The following RGPD1 variants were observed in gnomAD, a reference collection of about 807,000 sequenced individuals.
RGPD1 encodes the protein RANBP2-like and GRIP domain-containing protein 1.
In RGPD1, 7 loss-of-function variants were observed where a neutral mutation model predicts 40.6. That is an observed-to-expected ratio of 0.17 (90% confidence interval 0.10 to 0.32). The LOEUF (loss-of-function observed/expected upper bound fraction) is 0.32. Ranked by LOEUF, RGPD1 falls within the 10% of genes least tolerant of loss-of-function variation. The probability of loss-of-function intolerance (pLI) is 1.00; values close to 1 mark genes in which losing one functional copy is unlikely to be tolerated. For missense variants in RGPD1, 50 were observed against 472.5 expected (o/e 0.11, Z 8.29); for synonymous variants, 24 against 167.0 (o/e 0.14, Z 6.60).
chr2:86,988,441 C>CAAAAAAAAAAAAAAAAA (rs1174110236), intron 20 of RGPD1, among the ~76,000 whole-genome samples: 10 of 33,226 alleles, frequency 3.0e-4, no homozygotes, highest in South Asian at 1.4e-3. Flanking sequence ...ACTTTGTCTC[C>CAAAAAAAAAAAAAAAAA]AAAAAAAAAA....
rs1300298837 is a variant in RGPD1, at chr2:86,933,683, CAA to C, written c.73-17609_73-17608del. On this transcript the variant is annotated intron_variant, in intron 1 of 22. Coordinates refer to the RGPD1 transcript ENST00000398193. Reference sequence around the variant, plus strand: ...GAAAATTTTAACATACAAAGTGACACAAAAAGATTTTCATTCCAAGTTTTATG... The same window carrying C: ...GAAAATTTTAACATACAAAGTGACACAAAGATTTTCATTCCAAGTTTTATG... Among the ~76,000 whole-genome samples, 2 of 121,266 alleles carry C rather than the reference CAA, an allele frequency of 1.6e-5. 1 individual carries two copies. 79.6% of individuals were successfully genotyped at this position (121,266 alleles called of 152,430 possible). A position where few individuals can be genotyped will look rare whatever the true frequency, so the allele number is the denominator to read the frequency against.
upstream of RGPD1, among the ~76,000 whole-genome samples, chr2:86,939,697 G>T (rs1367238933): frequency 7.7e-6 from 1 of 130,344 alleles, no homozygotes; most frequent in East Asian, 2.1e-4. Flanking sequence ...GTGTGTTTGG[G>T]CAAGTTGCTT....
At position 86,942,411 on chromosome 2, in the gene RGPD1, C is replaced by A; in HGVS notation, c.72+103C>A. ...CCTGGCCGGGCGGCGGCCTCGATGGCTCAGGCGTCATGGCTCCCGACGGGC... is the reference window on the plus strand; with the variant it reads ...CCTGGCCGGGCGGCGGCCTCGATGGATCAGGCGTCATGGCTCCCGACGGGC... On this transcript the variant is annotated intron_variant, in intron 1 of 22. Coordinates refer to ENST00000641458, the MANE Select transcript of RGPD1 (RefSeq NM_001382344.1). 3.4e-6 allele frequency: 4 copies of A among 1,179,136 alleles called. 1 individual carries two copies. The highest frequency in any genetic ancestry group is 3.4e-4 in the Middle Eastern group (1 of 2,934). The allele number at this position is 1,179,136 out of a possible 1,614,324, so 73.0% of individuals were successfully genotyped here.
chr2:86,924,173 G>GTTT (rs1195100681), intron 1 of RGPD1, among the ~76,000 whole-genome samples: 4 of 142,064 alleles, frequency 2.8e-5, no homozygotes, highest in South Asian at 4.6e-4. Context: ...TTTGGGGGAG[G>GTTT]GGGACAGAGT....
At chr2:86,941,718 TTTG>T (rs1268822390), upstream of RGPD1, among the ~76,000 whole-genome samples, 365 of 121,168 alleles carry the variant, frequency 3.0e-3, 4 homozygotes, top group African/African-American at 0.019. Flanking sequence ...GAGAATGCGC[TTTG>T]TTTTTTTTTT....
intron 6 of RGPD1, among the ~76,000 whole-genome samples, chr2:86,959,915 G>T (rs1470393022): frequency 1.4e-3 from 7 of 4,872 alleles, no homozygotes; most frequent in African/African-American, 3.3e-3. Context: ...TTTTTTTTTT[G>T]AGACAGAGTC....
chr2:86,914,156 G>C (rs1243521074), intron 1 of RGPD1, among the ~76,000 whole-genome samples: 12 of 79,166 alleles, frequency 1.5e-4, no homozygotes, highest in African/African-American at 7.0e-4. Flanking sequence ...CGGCGGCGGC[G>C]GCGGCCTCGG....
In RGPD1 at chr2:86,930,648, T is replaced by C. The variant is rs1391741631; in HGVS notation, c.72+16727T>C. The C allele has an allele frequency of 3.7e-6, 6 of 1,611,302 alleles. No individual in the cohort carries two copies. The East Asian group carries it at 1.1e-4, about 30-fold the overall frequency. On this transcript the variant is annotated intron_variant, in intron 1 of 22. Transcript: ENST00000398193. ...GCAGCAGTGAACACTCTCACAGAGG[T>C]AGGGCTGGTTGTTCACTCCTGGGCA... is the stretch of plus-strand genomic sequence containing the variant.
chr2:86,940,916 CCA>C (rs1573602387), upstream of RGPD1, among the ~76,000 whole-genome samples: 2 of 152,220 alleles, frequency 1.3e-5, no homozygotes, highest in Non-Finnish European at 2.9e-5. Flanking sequence ...TTAATGTGGG[CCA>C]CACACACTGG....
upstream of RGPD1, among the ~76,000 whole-genome samples, chr2:86,942,063 G>A: frequency 6.6e-6 from 1 of 151,486 alleles, no homozygotes; most frequent in Non-Finnish European, 1.5e-5. Context: ...GCCGAGTGCA[G>A]CTCGAGCGCC....
rs372377070 is a variant in RGPD1 at position 86,923,291 on chromosome 2, T to G, written c.72+9370T>G. On this transcript the variant is annotated intron_variant, in intron 1 of 22. Transcript: ENST00000398193. ...TGACCTCAAGTGACCTTCCTGACCT[T>G]GGTGTCCCAAAGTGCTGGGATTACA... is the stretch of plus-strand genomic sequence containing the variant. 4.6e-5 allele frequency among the ~76,000 whole-genome samples: 7 copies of G among 151,802 alleles called. No homozygotes were observed. The South Asian group carries it at 6.2e-4, about 13-fold the overall frequency.
At chr2:86,949,763 C>CTTTTTTTTT (rs1240035878) in intron 1 of RGPD1, among the ~76,000 whole-genome samples, 1 of 18,218 alleles carries the variant, frequency 5.5e-5, no homozygotes, top group Non-Finnish European at 1.1e-4. Flanking sequence ...GTTGTATCAG[C>CTTTTTTTTT]TTTTTTTTTT....
chr2:87,006,636 C>T (rs1177057864), intron 22 of RGPD1, among the ~76,000 whole-genome samples: 2 of 148,418 alleles, frequency 1.3e-5, no homozygotes, highest in South Asian at 2.1e-4. Flanking sequence ...TGGCAGGCGC[C>T]TGTAGTCCCA....
chr2:86,925,725 A>G (rs1678439478), intron 1 of RGPD1, among the ~76,000 whole-genome samples: 3 of 152,028 alleles, frequency 2.0e-5, no homozygotes, highest in Non-Finnish European at 1.5e-5. Context: ...AATGGAATTC[A>G]CAGAATGCAT....
At chr2:86,918,234 T>G (rs1677860783) in intron 1 of RGPD1, among the ~76,000 whole-genome samples, 1 of 149,760 alleles carries the variant, frequency 6.7e-6, no homozygotes, top group African/African-American at 2.4e-5. Flanking sequence ...CCTCTCACCC[T>G]CTTCCCCCAG....
intron 1 of RGPD1, among the ~76,000 whole-genome samples, chr2:86,944,698 C>G (rs1425902139): frequency 2.0e-5 from 3 of 152,030 alleles, no homozygotes; most frequent in African/African-American, 7.2e-5. Flanking sequence ...TAGGCGTGAG[C>G]CACTGCACTG....
upstream of RGPD1, among the ~76,000 whole-genome samples, chr2:86,938,167 G>A (rs960194374): frequency 1.7e-5 from 1 of 57,998 alleles, no homozygotes; most frequent in East Asian, 4.1e-4. Context: ...ATTTCAGAGG[G>A]TGTAAGAATG....
intron 1 of RGPD1, among the ~76,000 whole-genome samples, chr2:86,918,453 C>CTT (rs1160123598): frequency 0.048 from 3,781 of 78,100 alleles, 184 homozygotes; most frequent in Non-Finnish European, 0.065. Context: ...CACACCAAAT[C>CTT]TTTTTTTTTT....
chr2:86,914,785 CCTCCACCTGGACG>C lies in RGPD1; in HGVS notation c.72+865_72+877del, dbSNP rs1453152365. On this transcript the variant is annotated intron_variant, in intron 1 of 22. Transcript: ENST00000398193. ...CCTGGCCGGGCGGCGGCGGCGGCGG[CCTCCACCTGGACG>C]GGCGGCGGCGGCGGCGGCGGCGGCG... is the stretch of plus-strand genomic sequence containing the variant. 7.7e-4 allele frequency among the ~76,000 whole-genome samples: 4 copies of C among 5,184 alleles called. 1 individual carries two copies. Among genetic ancestry groups the C allele is most frequent in the African/African-American group, 1.9e-3 (1 of 520 alleles). The allele number at this position is 5,184 out of a possible 152,430, so 3.4% of individuals were successfully genotyped here.
Sources: gnomAD v4.1 joint callset for allele counts (sites outside exome capture counted in the v4.1 genomes callset) on GRCh38, gnomAD v4.1.1 for gene constraint, MANE v1.5 for transcripts, NCBI Gene and HGNC (gene_info 2026-07-23, HGNC 2026-07-21) for gene names.